Variants in CHCHD6 observed in about 807,000 individuals in gnomAD.
CHCHD6 encodes the protein coiled-coil-helix-coiled-coil-helix domain containing 6, also known as MICOS complex subunit MIC25.
Under a neutral mutation model 32.3 loss-of-function variants are expected in CHCHD6, and 28 were observed. The ratio of observed to expected loss-of-function variants is 0.87; its 90% confidence interval spans 0.64 to 1.19. The LOEUF (loss-of-function observed/expected upper bound fraction) is 1.19. CHCHD6 is among the 50% of genes most tolerant of loss of function. CHCHD6 has a pLI of 0.00. For synonymous variants in CHCHD6, 122 were observed against 117.5 expected (o/e 1.04, Z -0.25); for missense variants, 333 against 307.0 (o/e 1.08, Z -0.63).
intron 5 of CHCHD6, among the ~76,000 whole-genome samples, chr3:126,893,523 C>T (rs1047092715): frequency 3.3e-5 from 5 of 152,076 alleles, no homozygotes; most frequent in Admixed American, 6.5e-5. Context: ...TCAGGAGTTG[C>T]GATAAAAGCC....
intron 4 of CHCHD6, among the ~76,000 whole-genome samples, chr3:126,848,651 T>TG (rs1444154945): frequency 2.8e-4 from 42 of 152,216 alleles, no homozygotes; most frequent in African/African-American, 7.7e-4. Context: ...GTAAGAAACC[T>TG]GGGGGTGGAG....
intron 5 of CHCHD6, among the ~76,000 whole-genome samples, chr3:126,864,931 A>ATCTCCT (rs371158806): frequency 7.0e-5 from 7 of 100,298 alleles, no homozygotes; most frequent in African/African-American, 2.8e-4. Context: ...CTCCACCATC[A>ATCTCCT]CCTCCTCCTC....
intron 4 of CHCHD6, among the ~76,000 whole-genome samples, chr3:126,804,135 A>T (rs1398640490): frequency 6.6e-6 from 1 of 152,126 alleles, no homozygotes; most frequent in Non-Finnish European, 1.5e-5. Flanking sequence ...TTGACACCCT[A>T]ACCTCACAAT....
At chr3:126,861,533 C>CCACCACCACCAG (rs768396325) in intron 5 of CHCHD6, among the ~76,000 whole-genome samples, 9 of 151,564 alleles carry the variant, frequency 5.9e-5, no homozygotes, top group South Asian at 2.1e-4. Context: ...ACTACCAACA[C>CCACCACCACCAG]CACCACCACC....
rs183072793 is a variant in CHCHD6 at position 126,816,594 on chromosome 3, G to A, written c.412-36053G>A. The stretch of plus-strand genomic sequence containing the variant: ...CAGCCTGAAAGCACATTAGGGACGA[G>A]GGACAGAGAAGGTTCCCATGAGCTT... On this transcript the variant is annotated intron_variant, in intron 4 of 7. Transcript: ENST00000290913. Among the ~76,000 whole-genome samples, 125 of 152,308 alleles carry A rather than the reference G, an allele frequency of 8.2e-4. 1 individual carries two copies. Among genetic ancestry groups the A allele is most frequent in the African/African-American group, 3.0e-3 (125 of 41,576 alleles).
intron 5 of CHCHD6, among the ~76,000 whole-genome samples, chr3:126,889,906 G>A (rs2077732685): frequency 2.6e-5 from 4 of 152,356 alleles, no homozygotes; most frequent in South Asian, 2.1e-4. Context: ...CTGCTCCTGC[G>A]TTTGTGGTTT....
chr3:126,795,742 A>C, intron 4 of CHCHD6, among the ~76,000 whole-genome samples: 1 of 152,124 alleles, frequency 6.6e-6, no homozygotes, highest in Admixed American at 6.5e-5. Flanking sequence ...GAGTAGAAAA[A>C]CCAGTCTAAG....
intron 3 of CHCHD6, among the ~76,000 whole-genome samples, chr3:126,731,623 A>G (rs890415525): frequency 2.0e-5 from 3 of 152,310 alleles, no homozygotes; most frequent in Admixed American, 2.0e-4. Context: ...AATTGCCCTC[A>G]GTATGGTCAG....
chr3:126,754,023 C>CAGCAG (rs1393784034), intron 4 of CHCHD6, among the ~76,000 whole-genome samples: 3 of 152,300 alleles, frequency 2.0e-5, no homozygotes, highest in Non-Finnish European at 4.4e-5. Context: ...CTTAGAGTCC[C>CAGCAG]AGCAGCATTG....
chr3:126,951,347 C>A (rs2078713014), intron 6 of CHCHD6, among the ~76,000 whole-genome samples: 1 of 151,986 alleles, frequency 6.6e-6, no homozygotes, highest in East Asian at 1.9e-4. Context: ...CAGACTAATA[C>A]AAAAAAATGA....
chr3:126,803,605 C>G (rs1206045812), intron 4 of CHCHD6, among the ~76,000 whole-genome samples: 1 of 152,168 alleles, frequency 6.6e-6, no homozygotes, highest in Non-Finnish European at 1.5e-5. Context: ...GACTCCCACA[C>G]AATAATAATG....
chr3:126,926,290 T>C (rs985225238), intron 6 of CHCHD6, among the ~76,000 whole-genome samples: 6 of 152,258 alleles, frequency 3.9e-5, no homozygotes, highest in Non-Finnish European at 8.8e-5. Context: ...GATAGGCTCT[T>C]TGCAGACAGG....
chr3:126,743,960 C>T (rs886443941), intron 4 of CHCHD6, among the ~76,000 whole-genome samples: 2 of 152,180 alleles, frequency 1.3e-5, no homozygotes, highest in African/African-American at 4.8e-5. Context: ...AGTGAGGGCA[C>T]AGGTAGTCAG....
chr3:126,901,004 A>G (rs995598082), intron 5 of CHCHD6, among the ~76,000 whole-genome samples: 6 of 151,890 alleles, frequency 4.0e-5, no homozygotes, highest in Non-Finnish European at 7.4e-5. Flanking sequence ...TCATGATGCA[A>G]ACACCCCCCC....
intron 4 of CHCHD6, among the ~76,000 whole-genome samples, chr3:126,793,197 T>G (rs1482111088): frequency 2.6e-5 from 4 of 152,174 alleles, no homozygotes; most frequent in African/African-American, 9.6e-5. Context: ...TTGGTATGTT[T>G]ATACCATTTA....
intron 5 of CHCHD6, among the ~76,000 whole-genome samples, chr3:126,907,647 A>G (rs946391029): frequency 6.6e-6 from 1 of 152,156 alleles, no homozygotes; most frequent in Non-Finnish European, 1.5e-5. Context: ...CCAGATGACC[A>G]GTGTTTGGCC....
At chr3:126,910,686 T>G (rs1382514429) in intron 5 of CHCHD6, among the ~76,000 whole-genome samples, 2 of 152,222 alleles carry the variant, frequency 1.3e-5, no homozygotes, top group African/African-American at 4.8e-5. Context: ...AGAAACAACC[T>G]CTGTACAAGG....
intron 4 of CHCHD6, among the ~76,000 whole-genome samples, chr3:126,805,635 T>C (rs1043199971): frequency 2.0e-4 from 31 of 152,240 alleles, no homozygotes; most frequent in African/African-American, 5.1e-4. Flanking sequence ...CCCAAGGTAA[T>C]TTATAGATTC....
At chr3:126,852,591 C>T in intron 4 of CHCHD6, 56 bp from the exon 5 acceptor site, 1 of 1,309,050 alleles carries the variant, frequency 7.6e-7, no homozygotes, top group Non-Finnish European at 1.1e-6. Context: ...CTCCCTGCAG[C>T]ACCATTCCAG....
Sources: gnomAD v4.1 joint callset for allele counts (sites outside exome capture counted in the v4.1 genomes callset) on GRCh38, gnomAD v4.1.1 for gene constraint, MANE v1.5 for transcripts, NCBI Gene and HGNC (gene_info 2026-07-23, HGNC 2026-07-21) for gene names.